KIF15: variants seen among roughly 807,000 people sequenced by gnomAD.
KIF15 encodes the protein kinesin-like protein KIF15.
A neutral mutation model predicts 190.6 loss-of-function variants in KIF15; 140 were observed. That is an observed-to-expected ratio of 0.73 (90% CI 0.64 to 0.84). The LOEUF is 0.84. KIF15 is among the 40% of genes least tolerant of loss of function. The pLI is 0.00. For missense variants in KIF15, 1,372 were observed against 1,584.4 expected (o/e 0.87, Z 2.28); for synonymous variants, 528 against 551.3 (o/e 0.96, Z 0.59).
Position 44,802,147 on chromosome 3 carries a change from A to G in KIF15, c.1509+173A>G, listed in dbSNP as rs536553848. ...TCTTTTTAAAATAGTTAAAGGGAAGAGAAGGGGAGAAGGAAGAAGTTGTGG... is the reference window on the plus strand; with the variant it reads ...TCTTTTTAAAATAGTTAAAGGGAAGGGAAGGGGAGAAGGAAGAAGTTGTGG... On this transcript the variant is annotated intron_variant, in intron 13 of 34. Transcript: ENST00000326047. 2.6e-5 allele frequency among the ~76,000 whole-genome samples: 4 copies of G among 152,346 alleles called. No homozygotes were observed. The East Asian group carries it at 7.7e-4, about 29-fold the overall frequency.
At position 44,826,360 on chromosome 3, in the gene KIF15, A is replaced by G. The variant is rs1343950919; in HGVS notation, c.2701-15A>G. ...TGCTAGTAACAGTTACTTAAAATCT[A>G]ATGTTGTCTTTTAGAATTTGATGGA... On this transcript the variant is annotated splice_polypyrimidine_tract_variant and intron_variant, in intron 21 of 34. Coordinates refer to ENST00000326047, the MANE Select transcript of KIF15 (RefSeq NM_020242.3). 3 of 1,606,894 alleles carry G rather than the reference A, an allele frequency of 1.9e-6. No individual in the cohort carries two copies. The highest frequency in any genetic ancestry group is 2.6e-6 in the Non-Finnish European group (3 of 1,175,262).
chr3:44,820,881 G>A (rs1158540584), intron 20 of KIF15, among the ~76,000 whole-genome samples: 1 of 152,246 alleles, frequency 6.6e-6, no homozygotes, highest in Non-Finnish European at 1.5e-5. Flanking sequence ...CTCCCAGACG[G>A]GGTGGTGGCC....
At chr3:44,818,934 G>A (rs1002904213) in intron 20 of KIF15, among the ~76,000 whole-genome samples, 1 of 152,110 alleles carries the variant, frequency 6.6e-6, no homozygotes, top group Non-Finnish European at 1.5e-5. Context: ...TGTTATTGGT[G>A]TATTCAGAGA....
chr3:44,790,700 T>C (rs946030039), intron 7 of KIF15, among the ~76,000 whole-genome samples: 23 of 141,518 alleles, frequency 1.6e-4, no homozygotes, highest in African/African-American at 5.8e-4. Context: ...TGTTTCTTTT[T>C]TTTTTTTTTT....
In KIF15 at chr3:44,802,875, A is replaced by G; in HGVS notation, c.1571A>G (p.Asn524Ser). 1 of 1,611,954 alleles carries G rather than the reference A, an allele frequency of 6.2e-7. No homozygotes were observed. The highest frequency in any genetic ancestry group is 1.3e-5 in the African/African-American group (1 of 74,916). The change falls in exon 14 of 35, where the codon AAT becomes AGT. Residue 524 changes from asparagine (N) to serine (S), a missense_variant. Asn to Ser is a conservative substitution (Grantham distance 46). Coordinates refer to ENST00000326047, the MANE Select transcript of KIF15 (RefSeq NM_020242.3). Reference sequence around the variant, plus strand: ...GAAAATCATTCCCTCAGGGAGGAGAATAGAAGACTGAGATTATTAGAGCCT... The same window carrying G: ...GAAAATCATTCCCTCAGGGAGGAGAGTAGAAGACTGAGATTATTAGAGCCT... ...AMENHSLREE[N>S]RRLRLLEPVK...
intron 10 of KIF15, among the ~76,000 whole-genome samples, chr3:44,799,823 A>C (rs1015441536): frequency 2.0e-5 from 3 of 152,002 alleles, no homozygotes; most frequent in Admixed American, 2.0e-4. Context: ...GCTGTTAAAA[A>C]ATAAAGGTCG....
intron 11 of KIF15, among the ~76,000 whole-genome samples, chr3:44,801,213 G>GT (rs1020369328): frequency 8.4e-5 from 11 of 131,352 alleles, no homozygotes; most frequent in South Asian, 4.6e-4. Context: ...GGCGGCGGGA[G>GT]GGGGGGGTCT....
intron 6 of KIF15, among the ~76,000 whole-genome samples, chr3:44,859,542 C>T (rs945766294): frequency 3.3e-5 from 5 of 152,174 alleles, no homozygotes; most frequent in African/African-American, 9.7e-5. Context: ...CACCCATAGT[C>T]CCTGCTACTC....
chr3:44,818,238 T>G (rs1708111507), intron 20 of KIF15, among the ~76,000 whole-genome samples: 2 of 152,202 alleles, frequency 1.3e-5, no homozygotes, highest in South Asian at 4.1e-4. Context: ...CTTTATTTCT[T>G]TCTCTTGCCT....
In KIF15 at chr3:44,845,562, G is replaced by A. The variant is rs112223289; in HGVS notation, c.3695+2328G>A. Among the ~76,000 whole-genome samples, 1,481 of 152,172 alleles carry A rather than the reference G, an allele frequency of 9.7e-3. 11 individuals carry two copies. Among genetic ancestry groups the A allele is most frequent in the Non-Finnish European group, 0.015 (1,029 of 67,988 alleles). ...AACTCTGGCCCCTGTGGTGGCTGAG[G>A]CTACTATGTTGCCAAAACATCAAAT... On this transcript the variant is annotated intron_variant, in intron 30 of 34. Transcript: ENST00000326047.
intron 6 of KIF15, among the ~76,000 whole-genome samples, chr3:44,866,171 C>T (rs1699320702): frequency 1.3e-5 from 2 of 150,512 alleles, no homozygotes; most frequent in South Asian, 2.1e-4. Context: ...CTCCCGGGTT[C>T]GCGCCATTCT....
At chr3:44,779,835 A>G (rs1706084582) in intron 4 of KIF15, among the ~76,000 whole-genome samples, 1 of 151,884 alleles carries the variant, frequency 6.6e-6, no homozygotes, top group Non-Finnish European at 1.5e-5. Context: ...AAAAAAAAAA[A>G]AAAAAGGATT....
At chr3:44,821,056 G>A (rs2125677534) in intron 20 of KIF15, among the ~76,000 whole-genome samples, 2 of 147,654 alleles carry the variant, frequency 1.4e-5, no homozygotes, top group East Asian at 4.1e-4. Context: ...CCTCCCGGAT[G>A]GGGCGGCAGG....
intron 2 of KIF15, among the ~76,000 whole-genome samples, chr3:44,774,742 G>A (rs1705794183): frequency 6.6e-6 from 1 of 152,214 alleles, no homozygotes; most frequent in Non-Finnish European, 1.5e-5. Flanking sequence ...CAAGTAAAGG[G>A]ATGTGAAGGT....
intron 20 of KIF15, among the ~76,000 whole-genome samples, chr3:44,822,792 G>A (rs752559652): frequency 2.6e-5 from 4 of 151,912 alleles, no homozygotes; most frequent in Non-Finnish European, 5.9e-5. Flanking sequence ...CCACTTGATC[G>A]AATCGACTGT....
chr3:44,803,022 T>C, intron 14 of KIF15, 31 bp downstream of exon 14: 5 of 1,554,422 alleles, frequency 3.2e-6, no homozygotes, highest in South Asian at 1.3e-5. Context: ...ATACGTGCCA[T>C]GTAGGAAGGG....
intron 6 of KIF15, among the ~76,000 whole-genome samples, chr3:44,785,745 A>G (rs1214258580): frequency 2.6e-5 from 4 of 152,236 alleles, no homozygotes; most frequent in African/African-American, 9.6e-5. Flanking sequence ...TTTGAAGAAC[A>G]TAACACTTGC....
chr3:44,866,293 C>T (rs1327775651), intron 6 of KIF15, among the ~76,000 whole-genome samples: 3 of 152,042 alleles, frequency 2.0e-5, no homozygotes, highest in Non-Finnish European at 4.4e-5. Context: ...AGGATAGTCT[C>T]GATCTCCTGA....
At chr3:44,804,554 C>A (rs1012489508) in intron 14 of KIF15, among the ~76,000 whole-genome samples, 1 of 152,178 alleles carries the variant, frequency 6.6e-6, no homozygotes, top group Non-Finnish European at 1.5e-5. Flanking sequence ...GCCACACTTT[C>A]GTCATTGTTT....
Sources: allele counts gnomAD v4.1 joint callset (sites outside exome capture counted in the v4.1 genomes callset), GRCh38; gene constraint gnomAD v4.1.1; transcripts MANE v1.5; gene names NCBI Gene and HGNC (gene_info 2026-07-23, HGNC 2026-07-21).